Variants in GMDS observed in about 807,000 individuals in gnomAD.
GMDS encodes GDP-mannose 4,6 dehydratase.
A neutral mutation model predicts 49.9 loss-of-function variants in GMDS; 20 were observed. The ratio of observed to expected loss-of-function variants is 0.40; its 90% CI spans 0.28 to 0.58. The LOEUF is 0.58. GMDS is among the 20% of genes least tolerant of loss of function. The pLI, the probability that GMDS is intolerant of heterozygous loss-of-function variation, is 0.42. For missense variants in GMDS, 362 were observed against 481.4 expected (o/e 0.75, Z 2.32); for synonymous variants, 177 against 178.6 (o/e 0.99, Z 0.07).
intron 9 of GMDS, among the ~76,000 whole-genome samples, chr6:1,654,360 A>G (rs1763805118): frequency 6.6e-6 from 1 of 152,230 alleles, no homozygotes; most frequent in Admixed American, 6.5e-5. Flanking sequence ...AGGGAACCTA[A>G]GTGTCCGTTG....
chr6:1,882,994 T>C (rs901629679), intron 7 of GMDS, among the ~76,000 whole-genome samples: 1 of 152,256 alleles, frequency 6.6e-6, no homozygotes, highest in African/African-American at 2.4e-5. Context: ...ATGGTAGGTA[T>C]GCTGGCAGTA....
chr6:1,929,391 A>T (rs1298451774), intron 7 of GMDS, among the ~76,000 whole-genome samples: 9 of 152,258 alleles, frequency 5.9e-5, no homozygotes, highest in Admixed American at 5.2e-4. Flanking sequence ...ATTTAAAAGC[A>T]GGGAGATCAG....
chr6:1,890,246 CT>C, intron 7 of GMDS, among the ~76,000 whole-genome samples: 1 of 152,134 alleles, frequency 6.6e-6, no homozygotes, highest in East Asian at 1.9e-4. Context: ...TACAGTCTGT[CT>C]TTTTTATCAC....
chr6:2,213,797 AC>A (rs1285205336), intron 1 of GMDS, among the ~76,000 whole-genome samples: 1 of 152,226 alleles, frequency 6.6e-6, no homozygotes. Context: ...GAAGGGGTAA[AC>A]TAACACTCTT....
intron 7 of GMDS, among the ~76,000 whole-genome samples, chr6:1,750,196 T>G (rs1767664739): frequency 6.6e-6 from 1 of 152,206 alleles, no homozygotes; most frequent in Non-Finnish European, 1.5e-5. Flanking sequence ...AGTTTCCTCT[T>G]AACTTTATTA....
intron 9 of GMDS, among the ~76,000 whole-genome samples, chr6:1,641,679 G>T (rs925485579): frequency 1.3e-5 from 2 of 152,124 alleles, no homozygotes; most frequent in Admixed American, 6.5e-5. Context: ...AGTCAGGCGC[G>T]TACAGCTCGC....
At chr6:2,150,609 C>A (rs1218482580) in intron 1 of GMDS, among the ~76,000 whole-genome samples, 1 of 151,916 alleles carries the variant, frequency 6.6e-6, no homozygotes, top group African/African-American at 2.4e-5. Flanking sequence ...GGCTTCACAC[C>A]CTAAAGTAAT....
At chr6:1,828,118 GAA>G (rs1771205016) in intron 7 of GMDS, among the ~76,000 whole-genome samples, 1 of 151,982 alleles carries the variant, frequency 6.6e-6, no homozygotes, top group South Asian at 2.1e-4. Context: ...GAAACCAAAA[GAA>G]ATTCTGGAGC....
chr6:2,172,245 T>C (rs934392764), intron 1 of GMDS, among the ~76,000 whole-genome samples: 1 of 152,096 alleles, frequency 6.6e-6, no homozygotes, highest in African/African-American at 2.4e-5. Flanking sequence ...CAACCAGATA[T>C]GTTGTATCTC....
chr6:2,042,525 T>C (rs1769749291), intron 4 of GMDS, among the ~76,000 whole-genome samples: 3 of 152,142 alleles, frequency 2.0e-5, no homozygotes, highest in Admixed American at 1.3e-4. Flanking sequence ...AAGAATTACA[T>C]GGGAAAATTG....
At chr6:2,199,675 A>C (rs530995883) in intron 1 of GMDS, among the ~76,000 whole-genome samples, 1 of 152,226 alleles carries the variant, frequency 6.6e-6, no homozygotes, top group South Asian at 2.1e-4. Flanking sequence ...CAATGCCCCA[A>C]GCTCATTTCA....
intron 7 of GMDS, among the ~76,000 whole-genome samples, chr6:1,763,889 T>C (rs1032330104): frequency 5.9e-4 from 89 of 152,110 alleles, no homozygotes; most frequent in African/African-American, 2.0e-3. Flanking sequence ...GGGGCACAGG[T>C]GGAGGGCTCC....
At chr6:2,238,673 T>C (rs1781479537) in intron 1 of GMDS, among the ~76,000 whole-genome samples, 1 of 152,170 alleles carries the variant, frequency 6.6e-6, no homozygotes, top group African/African-American at 2.4e-5. Flanking sequence ...TCATTTGTAA[T>C]CCACACATCA....
At chr6:1,946,249 T>TG (rs1294236984) in intron 6 of GMDS, among the ~76,000 whole-genome samples, 1 of 152,182 alleles carries the variant, frequency 6.6e-6, no homozygotes, top group African/African-American at 2.4e-5. Context: ...TGAAATGTGA[T>TG]GGAAGGGGCA....
chr6:1,939,770 TAA>T (rs1358700207), intron 6 of GMDS, among the ~76,000 whole-genome samples: 1 of 152,206 alleles, frequency 6.6e-6, no homozygotes, highest in Non-Finnish European at 1.5e-5. Context: ...GAATTGCCTT[TAA>T]GACATGAATA....
At chr6:1,804,346 C>G (rs1770078601) in intron 7 of GMDS, among the ~76,000 whole-genome samples, 1 of 152,260 alleles carries the variant, frequency 6.6e-6, no homozygotes, top group African/African-American at 2.4e-5. Flanking sequence ...TCCCGTCAGT[C>G]TGAACTCACG....
intron 7 of GMDS, among the ~76,000 whole-genome samples, chr6:1,895,681 G>T (rs1205955277): frequency 6.6e-6 from 1 of 152,116 alleles, no homozygotes; most frequent in Non-Finnish European, 1.5e-5. Context: ...TTATCAAATA[G>T]AAATGTGTAA....
At chr6:2,164,216 G>A (rs1443582435) in intron 1 of GMDS, among the ~76,000 whole-genome samples, 2 of 152,050 alleles carry the variant, frequency 1.3e-5, no homozygotes, top group East Asian at 1.9e-4. Flanking sequence ...ACAACTTCAC[G>A]TTTCTTCCAC....
intron 9 of GMDS, among the ~76,000 whole-genome samples, chr6:1,706,989 A>C (rs532396554): frequency 2.0e-5 from 3 of 152,360 alleles, no homozygotes; most frequent in Admixed American, 6.5e-5. Context: ...AGCATTTGGC[A>C]TCTCATACTG....
Sources: allele counts gnomAD v4.1 joint callset (sites outside exome capture counted in the v4.1 genomes callset), GRCh38; gene constraint gnomAD v4.1.1; transcripts MANE v1.5; gene names NCBI Gene and HGNC (gene_info 2026-07-23, HGNC 2026-07-21).